PDZD2: variants seen among roughly 807,000 people sequenced by gnomAD.
The protein encoded by PDZD2 is PDZ domain containing 2, also known as PDZ domain-containing protein 2.
PDZD2 carries 90 observed loss-of-function variants against 220.7 expected under a neutral mutation model. The ratio of observed to expected loss-of-function variants is 0.41; its 90% confidence interval spans 0.34 to 0.49. The LOEUF is 0.49. Among genes scored for constraint, PDZD2 ranks in the 20% least tolerant of loss-of-function variants. The pLI, the probability that PDZD2 is intolerant of heterozygous loss-of-function variation, is 0.28. For synonymous variants in PDZD2, 1,375 were observed against 1,450.5 expected (o/e 0.95, Z 1.18); for missense variants, 3,174 against 3,608.5 (o/e 0.88, Z 3.08).
At chr5:31,682,300 G>A (rs1164489618) in intron 1 of PDZD2, among the ~76,000 whole-genome samples, 3 of 152,150 alleles carry the variant, frequency 2.0e-5, no homozygotes, top group South Asian at 2.1e-4. Flanking sequence ...GGGTGTGCAA[G>A]GCCAATATGA....
In PDZD2 at chr5:32,077,508, G is replaced by A; in HGVS notation, c.3584G>A (p.Ser1195Asn). 6.2e-7 allele frequency: 1 copy of A among 1,614,068 alleles called. No individual in the cohort carries two copies. Among genetic ancestry groups the A allele is most frequent in the Non-Finnish European group, 8.5e-7 (1 of 1,179,938 alleles). ...ACTGGAGATGCTTGTGTCTCTACCAGCTGTGAACTAGCCAGTGCTCTGTCC... is the reference window on the plus strand; with the variant it reads ...ACTGGAGATGCTTGTGTCTCTACCAACTGTGAACTAGCCAGTGCTCTGTCC... Reference protein sequence around the residue: ...LTTGDACVSTSCELASALSHL... With the variant: ...LTTGDACVSTNCELASALSHL... Residue 1195 changes from serine to asparagine, a missense_variant, in exon 19 of 25, where the codon AGC becomes AAC. By Grantham distance (46) the Ser-to-Asn change is conservative. Coordinates refer to ENST00000438447, the MANE Select transcript of PDZD2 (RefSeq NM_178140.4).
At chr5:32,008,135 A>AT (rs1263591307) in intron 5 of PDZD2, among the ~76,000 whole-genome samples, 16 of 102,062 alleles carry the variant, frequency 1.6e-4, no homozygotes, top group South Asian at 3.8e-4. Context: ...ATAAAATAAT[A>AT]AAAATAAATA....
rs1755636677 is a variant in PDZD2 at position 32,037,307 on chromosome 5, G to T, written c.1484G>T (p.Gly495Val). 6.2e-7 allele frequency: 1 copy of T among 1,613,020 alleles called. No individual in the cohort carries two copies. Among genetic ancestry groups the T allele is most frequent in the Non-Finnish European group, 8.5e-7 (1 of 1,179,124 alleles). Reference protein sequence around the residue: ...SKGNLESPKQGSNKIKLKSRL... With the variant: ...SKGNLESPKQVSNKIKLKSRL... ...GGGAACTTGGAAAGTCCCAAACAGG[G>T]CAGCAATAAAATCAAGCTCAAGAGT... The change falls in exon 7 of 25, where the codon GGC becomes GTC. Residue 495 changes from glycine (G) to valine (V), a missense_variant. Gly to Val is a moderately radical substitution (Grantham distance 109). This residue lies in a region of PDZD2 where 632 missense variants were observed against 708.1 expected (regional missense o/e 0.89). Transcript: ENST00000438447.
In PDZD2 at chr5:32,089,304, G is replaced by T; in HGVS notation, c.5856G>T (p.Arg1952Ser). ...ACAGAAACACCACAGCTGCCCCCAG[G>T]TCCCCCCAGTGTGTGCTGGAAAGCA... is the stretch of plus-strand genomic sequence containing the variant. ...DPDRNTTAAP[R>S]SPQCVLESKP... The change falls in exon 20 of 25, where the codon AGG (arginine) becomes AGT (serine). Residue 1952 changes from arginine to serine, a missense_variant. This residue lies in a region of PDZD2 where 1,861 missense variants were observed against 2,001.0 expected (regional missense o/e 0.93). Transcript: ENST00000438447. 6.2e-7 allele frequency: 1 copy of T among 1,614,018 alleles called. No homozygotes were observed. The highest frequency in any genetic ancestry group is 8.5e-7 in the Non-Finnish European group (1 of 1,179,980).
Position 32,077,478 on chromosome 5 carries a change from T to C in PDZD2, c.3554T>C (p.Leu1185Pro). The C allele has an allele frequency of 6.2e-7, 1 of 1,613,990 alleles. No homozygotes were observed. The highest frequency in any genetic ancestry group is 8.5e-7 in the Non-Finnish European group (1 of 1,179,990). Reference protein sequence around the residue: ...GAVEKESLGKLTTGDACVSTS... With the variant: ...GAVEKESLGKPTTGDACVSTS... ...TTGTGCCAGGAATCTCTGGGAAAGC[T>C]GACCACTGGAGATGCTTGTGTCTCT... is the stretch of plus-strand genomic sequence containing the variant. The change falls in exon 19 of 25, where the codon CTG becomes CCG. Residue 1185 changes from leucine (L) to proline (P), a missense_variant. By Grantham distance (98) the Leu-to-Pro change is moderately conservative. Around this residue, in one of 4 missense-constraint regions of PDZD2, gnomAD observed 1,861 missense variants for 2,001.0 expected, o/e 0.93. Coordinates refer to ENST00000438447, the MANE Select transcript of PDZD2 (RefSeq NM_178140.4).
chr5:31,780,859 G>A (rs561045490), intron 1 of PDZD2, among the ~76,000 whole-genome samples: 8 of 152,264 alleles, frequency 5.3e-5, no homozygotes, highest in South Asian at 2.1e-4. Flanking sequence ...AGTTCCAGGC[G>A]TGTCACTGAG....
intron 1 of PDZD2, among the ~76,000 whole-genome samples, chr5:31,729,995 T>G (rs1164877719): frequency 1.3e-5 from 2 of 152,090 alleles, no homozygotes; most frequent in East Asian, 3.9e-4. Context: ...GCCCAGCTAA[T>G]TTTTGTATTT....
chr5:31,696,870 C>T (rs1182271051), intron 1 of PDZD2, among the ~76,000 whole-genome samples: 1 of 152,152 alleles, frequency 6.6e-6, no homozygotes, highest in African/African-American at 2.4e-5. Context: ...GAGAGACAGT[C>T]ATCGTTCAGT....
chr5:31,953,818 A>C (rs1191405076), intron 2 of PDZD2, among the ~76,000 whole-genome samples: 1 of 151,938 alleles, frequency 6.6e-6, no homozygotes, highest in Admixed American at 6.6e-5. Context: ...TACCCAGCTA[A>C]TTTTTGTATT....
At chr5:31,640,478 T>C (rs1456462853) in intron 1 of PDZD2, among the ~76,000 whole-genome samples, 1 of 152,220 alleles carries the variant, frequency 6.6e-6, no homozygotes, top group Non-Finnish European at 1.5e-5. Flanking sequence ...TATGTTTGCC[T>C]TGACAAATCG....
intron 2 of PDZD2, among the ~76,000 whole-genome samples, chr5:31,982,554 C>T (rs1338676673): frequency 2.0e-5 from 3 of 152,156 alleles, no homozygotes; most frequent in African/African-American, 7.2e-5. Context: ...GTGGTCTGCC[C>T]ACTTGGCCTC....
chr5:31,663,707 C>T lies in PDZD2; in HGVS notation c.-361+24270C>T, dbSNP rs182285571. Among the ~76,000 whole-genome samples the T allele has an allele frequency of 3.9e-5, 6 of 152,142 alleles. No homozygotes were observed. In the East Asian group the frequency reaches 5.8e-4, roughly 15 times the overall value. On this transcript the variant is annotated intron_variant, in intron 1 of 24. Transcript: ENST00000438447. ...TCTTTCCTCTTCCAATTTTCTTTTG[C>T]GGTATTTGGCTCCGTGTGATACCCA...
At chr5:31,873,712 A>G (rs980485560) in intron 2 of PDZD2, among the ~76,000 whole-genome samples, 5 of 150,082 alleles carry the variant, frequency 3.3e-5, no homozygotes, top group African/African-American at 4.9e-5. Context: ...AGAAATTCTG[A>G]TAAGAGCTGA....
At chr5:31,921,052 A>G (rs181527609) in intron 2 of PDZD2, among the ~76,000 whole-genome samples, 1 of 152,352 alleles carries the variant, frequency 6.6e-6, no homozygotes. Context: ...TTTGGCAATT[A>G]TGAATGAAGC....
intron 1 of PDZD2, among the ~76,000 whole-genome samples, chr5:31,766,767 G>A (rs151130417): frequency 0.058 from 8,423 of 145,806 alleles, 283 homozygotes; most frequent in Middle Eastern, 0.078. Flanking sequence ...TTTCGCTCTT[G>A]TCTCCCAGGC....
At chr5:31,861,882 C>T (rs574216207) in intron 2 of PDZD2, among the ~76,000 whole-genome samples, 6 of 151,978 alleles carry the variant, frequency 3.9e-5, no homozygotes, top group African/African-American at 9.7e-5. Context: ...CTGTATTTTC[C>T]GGTCTGACTC....
chr5:31,996,209 C>T (rs1195555105), intron 4 of PDZD2, among the ~76,000 whole-genome samples: 2 of 152,142 alleles, frequency 1.3e-5, no homozygotes, highest in African/African-American at 2.4e-5. Flanking sequence ...GTATCTCTGT[C>T]GTGCAGATGT....
intron 6 of PDZD2, among the ~76,000 whole-genome samples, chr5:32,011,008 C>CAAAAAAAAAA (rs34837601): frequency 1.0e-5 from 1 of 100,370 alleles, no homozygotes; most frequent in African/African-American, 4.8e-5. Context: ...AAAAACCTCT[C>CAAAAAAAAAA]AAAAAAAAAA....
intron 7 of PDZD2, 140 bp from the exon 8 acceptor site, chr5:32,048,399 T>C: frequency 1.5e-6 from 1 of 666,208 alleles, no homozygotes. Flanking sequence ...TGGGCTAGGC[T>C]CTGTGCTTTG....
Sources: allele counts gnomAD v4.1 joint callset (sites outside exome capture counted in the v4.1 genomes callset), GRCh38; gene constraint gnomAD v4.1.1; regional missense constraint gnomAD v4.1.1; transcripts MANE v1.5; gene names NCBI Gene and HGNC (gene_info 2026-07-23, HGNC 2026-07-21).